VKORC1L1: variants seen among roughly 807,000 people sequenced by gnomAD.
VKORC1L1 encodes the protein vitamin K epoxide reductase complex subunit 1L1.
Under a neutral mutation model 18.9 loss-of-function variants are expected in VKORC1L1, and 2 were observed. The ratio of observed to expected loss-of-function variants is 0.11; its 90% CI spans 0.04 to 0.33. The LOEUF is 0.33. VKORC1L1 is among the 10% of genes least tolerant of loss of function. VKORC1L1 has a pLI of 1.00. For synonymous variants in VKORC1L1, 96 were observed against 100.0 expected (o/e 0.96, Z 0.24); for missense variants, 123 against 224.1 (o/e 0.55, Z 2.88).
At chr7:65,945,062 A>G (rs1313232925) in intron 1 of VKORC1L1, among the ~76,000 whole-genome samples, 2 of 151,896 alleles carry the variant, frequency 1.3e-5, no homozygotes, top group Non-Finnish European at 2.9e-5. Flanking sequence ...GGTGTTCAAG[A>G]CCAGTCTGGC....
chr7:65,947,371 A>T (rs1344767950), intron 1 of VKORC1L1, among the ~76,000 whole-genome samples: 4 of 146,062 alleles, frequency 2.7e-5, no homozygotes, highest in Admixed American at 2.7e-4. Flanking sequence ...CAAAGTTTAG[A>T]TTTTGTTTAG....
intron 1 of VKORC1L1, among the ~76,000 whole-genome samples, chr7:65,926,531 C>T (rs1228212229): frequency 2.0e-5 from 3 of 152,138 alleles, no homozygotes; most frequent in Admixed American, 2.0e-4. Flanking sequence ...CTTTGGAAAA[C>T]AGTATGGAGA....
At chr7:65,929,705 GT>G (rs1420663374) in intron 1 of VKORC1L1, among the ~76,000 whole-genome samples, 2 of 70,196 alleles carry the variant, frequency 2.8e-5, no homozygotes, top group African/African-American at 5.3e-5. Flanking sequence ...TATATATATG[GT>G]TTTTTTTAAC....
At chr7:65,887,019 T>G (rs1231822916) in intron 1 of VKORC1L1, among the ~76,000 whole-genome samples, 1 of 150,412 alleles carries the variant, frequency 6.6e-6, no homozygotes, top group African/African-American at 2.5e-5. Flanking sequence ...CTGGCTGATT[T>G]TACATGTTTT....
intron 1 of VKORC1L1, among the ~76,000 whole-genome samples, chr7:65,874,320 A>G (rs188317263): frequency 6.6e-6 from 1 of 152,028 alleles, no homozygotes; most frequent in Non-Finnish European, 1.5e-5. Flanking sequence ...AAGGACAAGT[A>G]TGTTATGTAT....
At chr7:65,896,015 C>T (rs1159467732) in intron 1 of VKORC1L1, among the ~76,000 whole-genome samples, 2 of 149,978 alleles carry the variant, frequency 1.3e-5, no homozygotes, top group Non-Finnish European at 3.0e-5. Context: ...CCTGCCTCAG[C>T]TTCCCAAGTA....
chr7:65,905,795 TG>T, intron 1 of VKORC1L1, among the ~76,000 whole-genome samples: 1 of 152,138 alleles, frequency 6.6e-6, no homozygotes, highest in African/African-American at 2.4e-5. Context: ...GGTCCACGTG[TG>T]GTATTAGTAT....
In VKORC1L1 at chr7:65,954,470, CTG is replaced by C; in HGVS notation, c.*174_*175del. On this transcript the variant is annotated 3_prime_UTR_variant, in exon 3 of 3. Transcript: ENST00000360768. The stretch of plus-strand genomic sequence containing the variant: ...AATTAGAAGGGGCCCTCGCTATTTT[CTG>C]TGTCAGTCTTCATTTTAAATATGGA... The C allele has an allele frequency of 1.8e-6, 2 of 1,136,788 alleles. No homozygotes were observed. Among genetic ancestry groups the C allele is most frequent in the East Asian group, 2.7e-5 (1 of 36,696 alleles). The allele number at this position is 1,136,788 out of a possible 1,614,324, so 70.4% of individuals were successfully genotyped here.
chr7:65,867,183 C>T, the VKORC1L1 span, among the ~76,000 whole-genome samples: 3 of 151,428 alleles, frequency 2.0e-5, no homozygotes, highest in Non-Finnish European at 2.9e-5. Context: ...GAGACTCCAT[C>T]ACTAAAAAAA....
chr7:65,878,995 C>G (rs1226495814), intron 1 of VKORC1L1, among the ~76,000 whole-genome samples: 1 of 152,196 alleles, frequency 6.6e-6, no homozygotes, highest in African/African-American at 2.4e-5. Flanking sequence ...AGTGAAAAGT[C>G]TCCTTCATAT....
intron 1 of VKORC1L1, among the ~76,000 whole-genome samples, chr7:65,921,361 C>T (rs1441625352): frequency 6.6e-6 from 1 of 152,108 alleles, no homozygotes; most frequent in Non-Finnish European, 1.5e-5. Context: ...TTCCATTTCC[C>T]CCCACTGTAT....
intron 1 of VKORC1L1, among the ~76,000 whole-genome samples, chr7:65,899,977 A>G (rs1789282751): frequency 6.7e-6 from 1 of 150,236 alleles, no homozygotes; most frequent in Non-Finnish European, 1.5e-5. Flanking sequence ...TCCAGCCAGG[A>G]CAACAAGAGT....
chr7:65,923,689 G>A (rs1789715101), intron 1 of VKORC1L1, among the ~76,000 whole-genome samples: 1 of 152,186 alleles, frequency 6.6e-6, no homozygotes, highest in Admixed American at 6.5e-5. Flanking sequence ...TTAAGAGTGT[G>A]AGACCAAAAA....
At position 65,938,144 on chromosome 7, in the gene VKORC1L1, G is replaced by A. The variant is rs191600906; in HGVS notation, c.195-10527G>A. ...AATTGCTTGAACCCAGGAGGCGGAG[G>A]TTACAGTGAGCAGAGATCAAGCCGC... On this transcript the variant is annotated intron_variant, in intron 1 of 2. Transcript: ENST00000360768. Among the ~76,000 whole-genome samples the A allele has an allele frequency of 7.7e-3, 1,173 of 152,154 alleles. 8 individuals carry two copies. The highest frequency in any genetic ancestry group is 0.012 in the Non-Finnish European group (838 of 68,006).
chr7:65,890,075 A>G (rs1789085678), intron 1 of VKORC1L1, among the ~76,000 whole-genome samples: 1 of 151,358 alleles, frequency 6.6e-6, no homozygotes, highest in Non-Finnish European at 1.5e-5. Context: ...CTCCTGCCTC[A>G]GCCTGCCAAG....
intron 1 of VKORC1L1, among the ~76,000 whole-genome samples, chr7:65,946,748 C>T (rs1012256637): frequency 9.2e-5 from 14 of 152,092 alleles, no homozygotes; most frequent in Admixed American, 4.6e-4. Flanking sequence ...ATCCCCGGCA[C>T]GTAGCGTCAG....
intron 1 of VKORC1L1, among the ~76,000 whole-genome samples, chr7:65,912,269 A>T (rs1294335177): frequency 6.6e-6 from 1 of 152,224 alleles, no homozygotes; most frequent in African/African-American, 2.4e-5. Flanking sequence ...CTGTGCGTAA[A>T]TGTTTCTGAG....
the VKORC1L1 span, among the ~76,000 whole-genome samples, chr7:65,866,956 C>G: frequency 6.6e-6 from 1 of 151,762 alleles, no homozygotes; most frequent in Non-Finnish European, 1.5e-5. Context: ...TTTCGGAGGC[C>G]GAGGTGGGCA....
At position 65,904,176 on chromosome 7, in the gene VKORC1L1, G is replaced by C. The variant is rs1045467580; in HGVS notation, c.194+30611G>C. ...AGTTATGACAATAGCCCAAAGAATG[G>C]AAGGGGACGGGAAGGGTATAAGAAA... On this transcript the variant is annotated intron_variant, in intron 1 of 2. Coordinates refer to ENST00000360768, the MANE Select transcript of VKORC1L1 (RefSeq NM_173517.6). 4.6e-5 allele frequency among the ~76,000 whole-genome samples: 7 copies of C among 152,302 alleles called. No homozygotes were observed. The East Asian group carries it at 1.3e-3, about 29-fold the overall frequency.
Sources: allele counts gnomAD v4.1 joint callset (sites outside exome capture counted in the v4.1 genomes callset), GRCh38; gene constraint gnomAD v4.1.1; transcripts MANE v1.5; gene names NCBI Gene and HGNC (gene_info 2026-07-23, HGNC 2026-07-21).